The following PRSS23 variants were observed in gnomAD, a reference collection of about 807,000 sequenced individuals.
The protein encoded by PRSS23 is serine protease 23, also known as protease, serine 23.
In PRSS23, 25 loss-of-function variants were observed where a neutral mutation model predicts 34.7. The ratio of observed to expected loss-of-function variants is 0.72; its 90% confidence interval spans 0.53 to 1.01. The LOEUF is 1.01. PRSS23 is among the 50% of genes least tolerant of loss of function. The probability of loss-of-function intolerance (pLI) is 0.00; values close to 1 mark genes in which losing one functional copy is unlikely to be tolerated. For missense variants in PRSS23, 445 were observed against 475.6 expected (o/e 0.94, Z 0.60); for synonymous variants, 176 against 186.6 (o/e 0.94, Z 0.46).
At chr11:86,944,743 G>A (rs73531336) in intron 2 of PRSS23, among the ~76,000 whole-genome samples, 4,542 of 152,268 alleles carry the variant, frequency 0.03, 215 homozygotes, top group African/African-American at 0.1. Flanking sequence ...TAATGAATAG[G>A]TAATGGAAAG....
At chr11:86,889,098 T>A (rs938805663) in intron 2 of PRSS23, among the ~76,000 whole-genome samples, 1 of 152,226 alleles carries the variant, frequency 6.6e-6, no homozygotes, top group African/African-American at 2.4e-5. Flanking sequence ...TTTCTGCCCA[T>A]CTCTGCTAAC....
intron 2 of PRSS23, chr11:86,937,400 G>T: frequency 6.6e-6 from 1 of 152,322 alleles, no homozygotes; most frequent in South Asian, 2.1e-4. Context: ...ACTCCATCTT[G>T]AGTAGGGGCT....
In PRSS23 at chr11:86,822,498, A is replaced by G. The variant is rs1057199446; in HGVS notation, c.-11-879A>G. The stretch of plus-strand genomic sequence containing the variant: ...TAGCTGGGTGCAGTGAAGTGTGCCT[A>G]TAGTCCCAGCTAATCTGGAGGCTGA... On this transcript the variant is annotated intron_variant, in intron 1 of 2. Transcript: ENST00000533902. Among the ~76,000 whole-genome samples the G allele has an allele frequency of 1.1e-4, 16 of 151,832 alleles. 1 individual carries two copies. The highest frequency in any genetic ancestry group is 3.6e-4 in the African/African-American group (15 of 41,296).
chr11:86,922,755 T>C (rs1313593607), intron 2 of PRSS23, among the ~76,000 whole-genome samples: 2 of 152,218 alleles, frequency 1.3e-5, no homozygotes, highest in Non-Finnish European at 2.9e-5. Flanking sequence ...CATTGAATTA[T>C]AATTTGTGCT....
Position 86,807,803 on chromosome 11 carries a change from G to T in PRSS23, c.160G>T (p.Gly54Ter). Residue 54 changes from glycine to a stop codon, truncating the protein, a stop_gained, in exon 2 of 2, where the codon GGA becomes TGA. Transcript: ENST00000280258. LOFTEE classifies it high-confidence loss of function. Reference sequence around the variant, plus strand: ...CCTCAATTTAGCCAAGCCAGACTTTGGAGCCGAAGCCAAATTAGAAGTATC... The same window carrying T: ...CCTCAATTTAGCCAAGCCAGACTTTTGAGCCGAAGCCAAATTAGAAGTATC... ...STLNLAKPDFGAEAKLEVSSS... is the reference protein window; with the variant it reads ...STLNLAKPDF The T allele has an allele frequency of 6.2e-7, 1 of 1,614,170 alleles. No individual in the cohort carries two copies. Among genetic ancestry groups the T allele is most frequent in the Non-Finnish European group, 8.5e-7 (1 of 1,180,030 alleles).
At chr11:86,869,015 G>A (rs925795615) in intron 2 of PRSS23, among the ~76,000 whole-genome samples, 2 of 152,074 alleles carry the variant, frequency 1.3e-5, no homozygotes, top group African/African-American at 2.4e-5. Context: ...GTTTTGCCAT[G>A]TTGCCCGGGC....
intron 2 of PRSS23, among the ~76,000 whole-genome samples, chr11:86,874,214 A>G (rs1948707493): frequency 6.6e-6 from 1 of 152,204 alleles, no homozygotes; most frequent in Admixed American, 6.5e-5. Flanking sequence ...AGAGTCACCT[A>G]TCAGAGGAGT....
At chr11:86,830,435 T>G (rs1017146105) in intron 2 of PRSS23, among the ~76,000 whole-genome samples, 8 of 152,190 alleles carry the variant, frequency 5.3e-5, no homozygotes, top group Non-Finnish European at 1.0e-4. Context: ...CCTGACCCTT[T>G]GCGCTTCCCA....
chr11:86,942,688 C>T (rs1423894474), intron 2 of PRSS23, among the ~76,000 whole-genome samples: 3 of 152,154 alleles, frequency 2.0e-5, no homozygotes, highest in African/African-American at 4.8e-5. Flanking sequence ...GTAAATAAAT[C>T]TATGGGCCCT....
chr11:86,943,437 C>T (rs1949219100), intron 2 of PRSS23, among the ~76,000 whole-genome samples: 1 of 152,014 alleles, frequency 6.6e-6, no homozygotes, highest in Non-Finnish European at 1.5e-5. Flanking sequence ...CCAGCCTGGC[C>T]AACATGGTGA....
At position 86,863,791 on chromosome 11, in the gene PRSS23, A is replaced by AC. The variant is rs67028466; in HGVS notation, c.206+40198_206+40199insC. ...TGACTTCCTAACGATTAACAGATGC[A>AC]GACAAAGCCACAAGCTGTGGGTAGA... is the stretch of plus-strand genomic sequence containing the variant. On this transcript the variant is annotated intron_variant, in intron 2 of 2. Transcript: ENST00000533902. Among the ~76,000 whole-genome samples, 417 of 72,444 alleles carry AC rather than the reference A, an allele frequency of 5.8e-3. 3 individuals carry two copies. The highest frequency in any genetic ancestry group is 0.013 in the African/African-American group (303 of 23,174). 47.5% of individuals were successfully genotyped at this position (72,444 alleles called of 152,430 possible).
At chr11:86,938,209 C>A (rs898907905) in intron 2 of PRSS23, among the ~76,000 whole-genome samples, 4 of 152,164 alleles carry the variant, frequency 2.6e-5, no homozygotes, top group Non-Finnish European at 5.9e-5. Context: ...TTGAGAAGCT[C>A]AAACACATCT....
Position 86,817,261 on chromosome 11 carries a change from A to G in PRSS23, c.-11-6116A>G, listed in dbSNP as rs553760192. Among the ~76,000 whole-genome samples the G allele has an allele frequency of 9.2e-5, 14 of 152,168 alleles. No individual in the cohort carries two copies. In the South Asian group the frequency reaches 2.3e-3, roughly 25 times the overall value. On this transcript the variant is annotated intron_variant, in intron 1 of 2. Transcript: ENST00000533902. Reference sequence around the variant, plus strand: ...TCTGGAACTTCCTATAACTTTTTATATGGTGTTCCTTTTAGATACTGTTTT... The same window carrying G: ...TCTGGAACTTCCTATAACTTTTTATGTGGTGTTCCTTTTAGATACTGTTTT...
intron 2 of PRSS23, among the ~76,000 whole-genome samples, chr11:86,843,379 A>C (rs995429031): frequency 4.6e-5 from 7 of 152,250 alleles, no homozygotes; most frequent in Non-Finnish European, 8.8e-5. Context: ...TTCATGACTA[A>C]AACACCAAAA....
At chr11:86,849,705 A>G (rs540579918) in intron 2 of PRSS23, among the ~76,000 whole-genome samples, 5 of 152,298 alleles carry the variant, frequency 3.3e-5, no homozygotes, top group South Asian at 2.1e-4. Flanking sequence ...CTCAGAATCA[A>G]TGAGGCAGTA....
At chr11:86,841,331 C>G (rs1948445914) in intron 2 of PRSS23, among the ~76,000 whole-genome samples, 1 of 97,954 alleles carries the variant, frequency 1.0e-5, no homozygotes, top group Non-Finnish European at 2.0e-5. Flanking sequence ...AAGAGGGAAA[C>G]TCCATCTCAA....
chr11:86,795,004 C>T (rs1947972059), intron 1 of PRSS23, among the ~76,000 whole-genome samples: 1 of 152,024 alleles, frequency 6.6e-6, no homozygotes, highest in Admixed American at 6.6e-5. Flanking sequence ...ATCTATAATT[C>T]TTCCTGAATT....
intron 2 of PRSS23, among the ~76,000 whole-genome samples, chr11:86,916,759 C>T (rs1364685364): frequency 2.6e-5 from 4 of 152,046 alleles, no homozygotes; most frequent in Non-Finnish European, 2.9e-5. Context: ...CACCAAGAGG[C>T]CAGCTTGTTT....
intron 2 of PRSS23, among the ~76,000 whole-genome samples, chr11:86,938,645 C>T (rs1474084537): frequency 6.6e-6 from 1 of 150,556 alleles, no homozygotes; most frequent in Non-Finnish European, 1.5e-5. Flanking sequence ...AGAAGAATAT[C>T]AGCCGATGTG....
Sources: gnomAD v4.1 joint callset for allele counts (sites outside exome capture counted in the v4.1 genomes callset) on GRCh38, gnomAD v4.1.1 for gene constraint, MANE v1.5 for transcripts, NCBI Gene and HGNC (gene_info 2026-07-23, HGNC 2026-07-21) for gene names.